MTA1: variants seen among roughly 807,000 people sequenced by gnomAD.
The protein encoded by MTA1 is metastasis associated 1, also known as metastasis-associated protein MTA1.
A neutral mutation model predicts 97.0 loss-of-function variants in MTA1; 15 were observed. The observed-to-expected ratio is 0.15, with a 90% confidence interval of 0.10 to 0.24. MTA1 has a LOEUF of 0.24. Among genes scored for constraint, MTA1 ranks in the 10% least tolerant of loss-of-function variants. The pLI, the probability that MTA1 is intolerant of heterozygous loss-of-function variation, is 1.00. For missense variants in MTA1, 709 were observed against 1,015.1 expected, an observed-to-expected ratio of 0.70 and a Z score of 4.10; for synonymous variants, 435 against 417.5, an observed-to-expected ratio of 1.04 and a Z score of -0.51.
At chr14:105,435,565 A>G (rs782407889) in intron 1 of MTA1, among the ~76,000 whole-genome samples, 3 of 152,178 alleles carry the variant, frequency 2.0e-5, no homozygotes, top group Non-Finnish European at 2.9e-5. Context: ...TTTTGGTATC[A>G]GGGCAATGGC....
Position 105,463,234 on chromosome 14 carries a change from G to A in MTA1, c.993G>A (p.Lys331=), listed in dbSNP as rs1319355667. ...TSIIEYYYMW[K]TTDRYVQQKR... ...TCATTGAGTACTACTACATGTGGAAGACCACCGACAGATACGTGCAGCAGG... is the reference window on the plus strand; with the variant it reads ...TCATTGAGTACTACTACATGTGGAAAACCACCGACAGATACGTGCAGCAGG... Residue 331 remains lysine, a synonymous_variant, in exon 11 of 21, where the codon AAG becomes AAA. Transcript: ENST00000331320. This position sits in a 1 kb window ranked among gnomAD's most constrained non-coding sequence, Gnocchi z 5.9. 2 of 1,610,906 alleles carry A rather than the reference G, an allele frequency of 1.2e-6. No individual in the cohort carries two copies. Among genetic ancestry groups the A allele is most frequent in the African/African-American group, 1.3e-5 (1 of 74,860 alleles).
chr14:105,428,316 G>T (rs1229997103), intron 1 of MTA1, among the ~76,000 whole-genome samples: 1 of 152,042 alleles, frequency 6.6e-6, no homozygotes, highest in African/African-American at 2.4e-5. Flanking sequence ...TTTGAGATAA[G>T]GTCTCAGTCT....
Position 105,420,089 on chromosome 14 carries a change from G to A in MTA1, c.28+26G>A, listed in dbSNP as rs1264794193. ...GTAAGGCCGCACCGCCTTTATGCCC[G>A]GCCCCGACCCGCCCGCAGCCCCCAC... On this transcript the variant is annotated intron_variant, in intron 1 of 20. Coordinates refer to ENST00000331320, the MANE Select transcript of MTA1 (RefSeq NM_004689.4). The surrounding 1 kb of genome is among the most constrained non-coding windows in gnomAD (Gnocchi z 5.3). 6 of 1,038,332 alleles carry A rather than the reference G, an allele frequency of 5.8e-6. No homozygotes were observed. The highest frequency in any genetic ancestry group is 4.4e-4 in the Middle Eastern group (1 of 2,254). 64.3% of individuals were successfully genotyped at this position (1,038,332 alleles called of 1,614,324 possible). A position where few individuals can be genotyped will look rare whatever the true frequency, so the allele number is the denominator to read the frequency against.
chr14:105,460,664 C>T (rs1351926539), intron 9 of MTA1, 101 bp from the exon 10 acceptor site: 1 of 1,341,876 alleles, frequency 7.5e-7, no homozygotes, highest in African/African-American at 1.5e-5. Context: ...GCTGCTGGGC[C>T]TGCAGTAGGG....
chr14:105,463,809 TG>T lies in MTA1; in HGVS notation c.1077-220del. On this transcript the variant is annotated intron_variant, in intron 12 of 20. Transcript: ENST00000331320. The surrounding 1 kb of genome is among the most constrained non-coding windows in gnomAD (Gnocchi z 5.9). ...CACCGCCAGGGTTCAGTCCCTGAGC[TG>T]GGCTCCATGCTAGGGGGAGCACGGG... 4.7e-6 allele frequency: 3 copies of T among 632,476 alleles called. No homozygotes were observed. Among genetic ancestry groups the T allele is most frequent in the Non-Finnish European group, 5.6e-6 (2 of 357,352 alleles). 39.2% of individuals were successfully genotyped at this position (632,476 alleles called of 1,614,324 possible).
chr14:105,469,190 G>A, intron 18 of MTA1: 2 of 623,174 alleles, frequency 3.2e-6, no homozygotes, highest in Non-Finnish European at 5.9e-6. Context: ...CGGCCCCTGT[G>A]CAGGGAGGTG....
At chr14:105,428,387 C>T (rs1033292806) in intron 1 of MTA1, among the ~76,000 whole-genome samples, 4 of 152,000 alleles carry the variant, frequency 2.6e-5, no homozygotes, top group African/African-American at 9.7e-5. Flanking sequence ...ACCTCCCAGG[C>T]TCAAGTGATC....
intron 7 of MTA1, among the ~76,000 whole-genome samples, 156 bp downstream of exon 7, chr14:105,454,466 G>A (rs2083066160): frequency 6.6e-6 from 1 of 152,220 alleles, no homozygotes; most frequent in Admixed American, 6.5e-5. Flanking sequence ...CATGGGTGAT[G>A]CGTGTAGGCT....
At chr14:105,444,046 CCA>C (rs2082630977) in intron 2 of MTA1, among the ~76,000 whole-genome samples, 1 of 150,072 alleles carries the variant, frequency 6.7e-6, no homozygotes, top group African/African-American at 2.5e-5. Flanking sequence ...TGAGATCGCA[CCA>C]CTGCCCTCCA....
chr14:105,457,564 G>T (rs587714558), intron 7 of MTA1, among the ~76,000 whole-genome samples: 11 of 152,388 alleles, frequency 7.2e-5, no homozygotes, highest in Admixed American at 5.2e-4. Flanking sequence ...GTCCCTGGAG[G>T]TGGTCTGCCT....
rs12881576 is a variant in MTA1 at position 105,470,529 on chromosome 14, G to A, written c.*314G>A. ...GGGCCCTAAGGTTTTGTTGTGTTCT[G>A]TTGAAGGTGCCATTTTAAATTTTAT... On this transcript the variant is annotated 3_prime_UTR_variant, in exon 21 of 21. Transcript: ENST00000331320. The A allele has an allele frequency of 9.4e-6, 3 of 318,238 alleles. No individual in the cohort carries two copies. The highest frequency in any genetic ancestry group is 2.2e-5 in the African/African-American group (1 of 45,548). The allele number at this position is 318,238 out of a possible 1,614,324, so 19.7% of individuals were successfully genotyped here.
At position 105,470,183 on chromosome 14, in the gene MTA1, G is replaced by A. The variant is rs201443931; in HGVS notation, c.2116G>A (p.Val706Ile). The A allele has an allele frequency of 4.5e-5, 72 of 1,607,286 alleles. 1 individual carries two copies. The African/African-American group carries it at 7.1e-4, about 16-fold the overall frequency. Residue 706 changes from valine to isoleucine, a missense_variant, in exon 21 of 21, where the codon GTC becomes ATC. This residue lies in a region of MTA1 where 388 missense variants were observed against 421.6 expected (regional missense o/e 0.92). Transcript: ENST00000331320. ...GCCGCGGCCACCGCCACCTGCGCCC[G>A]TCAACGACGAGCCCATCGTCATCGA... is the stretch of plus-strand genomic sequence containing the variant. Reference protein sequence around the residue: ...LPPRPPPPAPVNDEPIVIED With the variant: ...LPPRPPPPAPINDEPIVIED
intron 6 of MTA1, 22 bp from the exon 7 acceptor site, chr14:105,454,171 T>C (rs782612109): frequency 6.3e-6 from 10 of 1,581,958 alleles, no homozygotes; most frequent in Non-Finnish European, 7.8e-6. Flanking sequence ...GACGCCTCTC[T>C]GTCTCCTGTG....
In MTA1 at chr14:105,470,256, C is replaced by A. The variant is rs782346228; in HGVS notation, c.*41C>A. On this transcript the variant is annotated 3_prime_UTR_variant, in exon 21 of 21. Coordinates refer to ENST00000331320, the MANE Select transcript of MTA1 (RefSeq NM_004689.4). ...GCGGCCGCCCCCCGCCCCTCGCCCGCCCACACGGCCCCTTCCCAGCCAGCC... is the reference window on the plus strand; with the variant it reads ...GCGGCCGCCCCCCGCCCCTCGCCCGACCACACGGCCCCTTCCCAGCCAGCC... 12 of 1,399,906 alleles carry A rather than the reference C, an allele frequency of 8.6e-6. No individual in the cohort carries two copies. Among genetic ancestry groups the A allele is most frequent in the South Asian group, 6.1e-5 (4 of 65,898 alleles). The allele number at this position is 1,399,906 out of a possible 1,614,324, so 86.7% of individuals were successfully genotyped here.
intron 2 of MTA1, among the ~76,000 whole-genome samples, chr14:105,439,555 CAG>C (rs1261280039): frequency 4.6e-5 from 7 of 152,292 alleles, no homozygotes; most frequent in African/African-American, 1.4e-4. Flanking sequence ...TCGCTGTCCT[CAG>C]GGGTGGTGGG....
At chr14:105,449,484 G>A in intron 4 of MTA1, 75 bp downstream of exon 4, 1 of 1,531,308 alleles carries the variant, frequency 6.5e-7, no homozygotes, top group South Asian at 1.2e-5. Flanking sequence ...GCCGCTGAGG[G>A]ACAGAGTTTG....
At chr14:105,457,209 T>C (rs2083184971) in intron 7 of MTA1, among the ~76,000 whole-genome samples, 1 of 152,240 alleles carries the variant, frequency 6.6e-6, no homozygotes, top group Non-Finnish European at 1.5e-5. Flanking sequence ...AGGACAATTG[T>C]GGAGCTCTTT....
At chr14:105,465,626 C>A (rs1444291002) in intron 16 of MTA1, 4 of 153,916 alleles carry the variant, frequency 2.6e-5, no homozygotes, top group Non-Finnish European at 2.9e-5. Context: ...GCCCACTCCA[C>A]AGGGGCAGCA....
chr14:105,449,381 C>T lies in MTA1; in HGVS notation c.213C>T (p.Ala71=), dbSNP rs1231569296. The part of the protein sequence containing the change: ...KHATLSVCYK[A]GPGADNGEEG... ...TAGCCCTGTCAGTCTGCTATAAGGC[C>T]GGACCGGGGGCGGACAACGGCGAGG... The change falls in exon 4 of 21, where the codon GCC becomes GCT. Residue 71 remains alanine (A), a synonymous_variant. Transcript: ENST00000331320. 2.5e-6 allele frequency: 4 copies of T among 1,612,466 alleles called. No individual in the cohort carries two copies. Among genetic ancestry groups the T allele is most frequent in the East Asian group, 2.2e-5 (1 of 44,844 alleles).
Sources: allele counts gnomAD v4.1 joint callset (sites outside exome capture counted in the v4.1 genomes callset), GRCh38; gene constraint gnomAD v4.1.1; regional missense constraint gnomAD v4.1.1; non-coding constraint Gnocchi (gnomAD v3.1); transcripts MANE v1.5; gene names NCBI Gene and HGNC (gene_info 2026-07-23, HGNC 2026-07-21).